The following SPATA16 variants were observed in gnomAD, a reference collection of about 807,000 sequenced individuals.
The protein encoded by SPATA16 is spermatogenesis-associated protein 16.
A neutral mutation model predicts 63.3 loss-of-function variants in SPATA16; 36 were observed. That is an observed-to-expected ratio of 0.57 (90% CI 0.44 to 0.75). The LOEUF (loss-of-function observed/expected upper bound fraction) is 0.75. SPATA16 is among the 30% of genes least tolerant of loss of function. The pLI is 0.00. For missense variants in SPATA16, 646 were observed against 679.3 expected, an observed-to-expected ratio of 0.95 and a Z score of 0.54; for synonymous variants, 203 against 216.7, an observed-to-expected ratio of 0.94 and a Z score of 0.56.
chr3:173,104,021 T>C (rs1365003032), intron 2 of SPATA16, among the ~76,000 whole-genome samples: 1 of 152,216 alleles, frequency 6.6e-6, no homozygotes, highest in Non-Finnish European at 1.5e-5. Context: ...TGCTAGATAG[T>C]CTAGGTCATC....
Position 173,010,251 on chromosome 3 carries a change from C to G in SPATA16, c.848+9235G>C, listed in dbSNP as rs559443723. 5.9e-5 allele frequency among the ~76,000 whole-genome samples: 9 copies of G among 152,290 alleles called. No individual in the cohort carries two copies. The East Asian group carries it at 1.2e-3, about 20-fold the overall frequency. On this transcript the variant is annotated intron_variant, in intron 4 of 10. Transcript: ENST00000351008. ...GTGATTGCCAAGGCCATTGTGCCCC[C>G]CTCTGTTGCCCCCAGGTTGGGAGGG...
chr3:172,956,317 G>GA (rs895255263), intron 6 of SPATA16, among the ~76,000 whole-genome samples: 4 of 151,716 alleles, frequency 2.6e-5, no homozygotes, highest in Admixed American at 6.6e-5. Context: ...GTAGGGACTG[G>GA]AAAAAAAATC....
chr3:173,051,625 C>T (rs556413840), intron 2 of SPATA16, among the ~76,000 whole-genome samples: 5 of 152,268 alleles, frequency 3.3e-5, no homozygotes, highest in African/African-American at 1.2e-4. Context: ...GCAGGAGCCA[C>T]GGCGCTTGGC....
At chr3:173,027,973 TTCTCCCTCCCTCCCTCCCTCCCTCCCTC>T (rs1735490786) in intron 3 of SPATA16, among the ~76,000 whole-genome samples, 1 of 84,756 alleles carries the variant, frequency 1.2e-5, no homozygotes, top group Admixed American at 1.4e-4. Context: ...AATTTATTTT[TTCTCCCTCCCTCCCTCCCTCCCTCCCTC>T]CCTCCCTCCC....
chr3:173,010,718 G>A (rs1735052156), intron 4 of SPATA16, among the ~76,000 whole-genome samples: 1 of 151,992 alleles, frequency 6.6e-6, no homozygotes, highest in Non-Finnish European at 1.5e-5. Context: ...ACCCAGCCCC[G>A]GCCTGAGCAT....
chr3:173,125,114 G>T (rs1738193025), intron 1 of SPATA16, among the ~76,000 whole-genome samples: 1 of 151,980 alleles, frequency 6.6e-6, no homozygotes, highest in Non-Finnish European at 1.5e-5. Context: ...CTCTAAAATT[G>T]TCCCTGTCTC....
chr3:172,981,676 T>C (rs577182373), intron 4 of SPATA16, among the ~76,000 whole-genome samples: 2 of 152,308 alleles, frequency 1.3e-5, no homozygotes, highest in South Asian at 2.1e-4. Flanking sequence ...ACACTATCCA[T>C]ACCCTCACTT....
chr3:173,100,463 A>G (rs1184406574), intron 2 of SPATA16, among the ~76,000 whole-genome samples: 1 of 152,154 alleles, frequency 6.6e-6, no homozygotes, highest in Non-Finnish European at 1.5e-5. Flanking sequence ...TTCAACACTG[A>G]CACACTATAA....
intron 6 of SPATA16, among the ~76,000 whole-genome samples, chr3:172,937,028 A>C: frequency 6.6e-6 from 1 of 152,202 alleles, no homozygotes; most frequent in East Asian, 1.9e-4. Flanking sequence ...TATGGGACTG[A>C]GCCTTTAACC....
intron 4 of SPATA16, among the ~76,000 whole-genome samples, chr3:173,018,364 T>A (rs767435106): frequency 2.0e-5 from 3 of 150,366 alleles, no homozygotes; most frequent in Middle Eastern, 3.4e-3. Context: ...AACCTCTACC[T>A]CCTGGGTTCA....
intron 3 of SPATA16, among the ~76,000 whole-genome samples, chr3:173,020,168 G>A (rs1206629324): frequency 1.3e-5 from 2 of 152,006 alleles, no homozygotes; most frequent in Non-Finnish European, 2.9e-5. Flanking sequence ...ATGGTGGCAG[G>A]CGCCTGTAAT....
rs184754213 is a variant in SPATA16, at chr3:172,992,349, T to C, written c.849-15297A>G. Among the ~76,000 whole-genome samples, 19 of 152,008 alleles carry C rather than the reference T, an allele frequency of 1.2e-4. No homozygotes were observed. In the East Asian group the frequency reaches 3.3e-3, roughly 26 times the overall value. On this transcript the variant is annotated intron_variant, in intron 4 of 10. Coordinates refer to ENST00000351008, the MANE Select transcript of SPATA16 (RefSeq NM_031955.6). ...GCTGGGAAGTATTTTTTCATGTGAGTTGCTTTTAAGGAAAGCAATAAACAG... is the reference window on the plus strand; with the variant it reads ...GCTGGGAAGTATTTTTTCATGTGAGCTGCTTTTAAGGAAAGCAATAAACAG...
intron 2 of SPATA16, among the ~76,000 whole-genome samples, chr3:173,063,969 G>A (rs1479689756): frequency 6.6e-6 from 1 of 152,186 alleles, no homozygotes; most frequent in African/African-American, 2.4e-5. Context: ...CAGCCACTGG[G>A]TGGAAGAAGA....
chr3:173,110,957 G>A (rs771083206), intron 2 of SPATA16, among the ~76,000 whole-genome samples: 41 of 152,214 alleles, frequency 2.7e-4, no homozygotes, highest in Non-Finnish European at 4.4e-4. Flanking sequence ...CTGGTGTCCC[G>A]CTTCAAACAT....
At chr3:172,918,377 G>C (rs1485900997) in intron 8 of SPATA16, among the ~76,000 whole-genome samples, 1 of 152,236 alleles carries the variant, frequency 6.6e-6, no homozygotes, top group Non-Finnish European at 1.5e-5. Context: ...ATAGTGGAAG[G>C]CAACAGTTTT....
In SPATA16 at chr3:172,977,641, G is replaced by C. The variant is rs538540916; in HGVS notation, c.849-589C>G. Among the ~76,000 whole-genome samples the C allele has an allele frequency of 1.7e-4, 26 of 152,148 alleles. 1 individual carries two copies. In the South Asian group the frequency reaches 5.4e-3, roughly 32 times the overall value. On this transcript the variant is annotated intron_variant, in intron 4 of 10. Transcript: ENST00000351008. ...TGCATTAATCTTATTAAGTTGAGGG[G>C]ATATTAAAAACTATTGTGCAATGGA...
intron 4 of SPATA16, among the ~76,000 whole-genome samples, chr3:172,981,519 G>T (rs907739756): frequency 2.6e-5 from 4 of 152,072 alleles, no homozygotes; most frequent in Admixed American, 1.3e-4. Context: ...ACAAAGAATG[G>T]CCATACTGTT....
intron 2 of SPATA16, among the ~76,000 whole-genome samples, chr3:173,078,613 T>G (rs998662147): frequency 5.9e-5 from 9 of 152,142 alleles, no homozygotes; most frequent in Admixed American, 4.6e-4. Flanking sequence ...CCATAAACAA[T>G]GGGTGACCAG....
intron 2 of SPATA16, among the ~76,000 whole-genome samples, chr3:173,111,768 A>G (rs894510934): frequency 2.0e-5 from 3 of 152,194 alleles, no homozygotes; most frequent in Non-Finnish European, 4.4e-5. Context: ...AAATTCCATT[A>G]TCTTGGAAGT....
Sources: allele counts gnomAD v4.1 joint callset (sites outside exome capture counted in the v4.1 genomes callset), GRCh38; gene constraint gnomAD v4.1.1; transcripts MANE v1.5; gene names NCBI Gene and HGNC (gene_info 2026-07-23, HGNC 2026-07-21).